Variants in SLC1A7 observed in about 807,000 individuals in gnomAD.
SLC1A7 encodes the protein solute carrier family 1 member 7.
In SLC1A7, 40 loss-of-function variants were observed where a neutral mutation model predicts 47.7. The ratio of observed to expected loss-of-function variants is 0.84; its 90% CI spans 0.65 to 1.09. SLC1A7 has a LOEUF of 1.09. Ranked by LOEUF, SLC1A7 falls within the 50% of genes least tolerant of loss-of-function variation. The probability of loss-of-function intolerance (pLI) is 0.00; values close to 1 mark genes in which losing one functional copy is unlikely to be tolerated. For missense variants in SLC1A7, 746 were observed against 769.5 expected (o/e 0.97, Z 0.36); for synonymous variants, 323 against 325.6 (o/e 0.99, Z 0.09).
At chr1:53,125,392 T>C (rs1644871746) in intron 2 of SLC1A7, among the ~76,000 whole-genome samples, 1 of 152,194 alleles carries the variant, frequency 6.6e-6, no homozygotes, top group Admixed American at 6.5e-5. Context: ...GAATGCCTCC[T>C]CCTTGAGAAC....
intron 2 of SLC1A7, among the ~76,000 whole-genome samples, chr1:53,120,423 G>C (rs1557683839): frequency 1.3e-5 from 2 of 152,280 alleles, no homozygotes; most frequent in East Asian, 3.9e-4. Context: ...CCCTCCCCCA[G>C]TTTGGGGTGA....
At chr1:53,127,915 A>T (rs1433224738) in intron 2 of SLC1A7, among the ~76,000 whole-genome samples, 2 of 152,200 alleles carry the variant, frequency 1.3e-5, no homozygotes, top group South Asian at 2.1e-4. Flanking sequence ...CCTGGATTGC[A>T]GCCTAAGACT....
chr1:53,093,799 C>A (rs1379424901), intron 5 of SLC1A7, among the ~76,000 whole-genome samples: 1 of 152,160 alleles, frequency 6.6e-6, no homozygotes, highest in Non-Finnish European at 1.5e-5. Flanking sequence ...TAAAAGTGCT[C>A]CCTGCCAAGT....
intron 2 of SLC1A7, among the ~76,000 whole-genome samples, chr1:53,129,277 G>GT (rs35966763): frequency 0.022 from 3,308 of 151,484 alleles, 496 homozygotes; most frequent in Middle Eastern, 0.08. Flanking sequence ...CTTACTTTTC[G>GT]TAATAACCTC....
intron 2 of SLC1A7, among the ~76,000 whole-genome samples, chr1:53,126,175 C>T (rs867980683): frequency 3.9e-5 from 6 of 152,290 alleles, no homozygotes; most frequent in Admixed American, 2.0e-4. Flanking sequence ...AAAACACCCA[C>T]CCCTCTGCAG....
At chr1:53,094,974 T>C (rs1644469117) in intron 5 of SLC1A7, among the ~76,000 whole-genome samples, 1 of 152,240 alleles carries the variant, frequency 6.6e-6, no homozygotes. Context: ...GGAGCCGCTG[T>C]GCTAGTGTGC....
At chr1:53,108,564 G>A in intron 3 of SLC1A7, 1 of 717,882 alleles carries the variant, frequency 1.4e-6, no homozygotes, top group Non-Finnish European at 2.6e-6. Flanking sequence ...GGTGATTCCT[G>A]GAAAACTCTT....
chr1:53,119,746 G>A (rs1217387765), intron 2 of SLC1A7, among the ~76,000 whole-genome samples: 1 of 152,150 alleles, frequency 6.6e-6, no homozygotes, highest in Non-Finnish European at 1.5e-5. Context: ...TCAGATTTGT[G>A]GTGGTGAGCT....
intron 8 of SLC1A7, chr1:53,090,248 A>G: frequency 1.8e-6 from 1 of 547,112 alleles, no homozygotes; most frequent in Non-Finnish European, 3.3e-6. Flanking sequence ...ACTGACCACC[A>G]CATGGCTCTG....
At chr1:53,099,968 C>G (rs1022561678) in intron 5 of SLC1A7, among the ~76,000 whole-genome samples, 1 of 151,672 alleles carries the variant, frequency 6.6e-6, no homozygotes, top group Non-Finnish European at 1.5e-5. Flanking sequence ...TATACTCACA[C>G]CATCTCAGTA....
intron 4 of SLC1A7, 37 bp from the exon 5 acceptor site, chr1:53,103,605 C>T (rs1644608947): frequency 7.6e-7 from 1 of 1,317,810 alleles, no homozygotes; most frequent in Non-Finnish European, 1.0e-6. Context: ...GAAGTCAGGG[C>T]CAAGGGTTGT....
intron 3 of SLC1A7, among the ~76,000 whole-genome samples, chr1:53,106,191 C>CAT (rs1644638183): frequency 6.6e-6 from 1 of 152,058 alleles, no homozygotes; most frequent in Admixed American, 6.6e-5. Context: ...CTGCCTCCCC[C>CAT]ATATAGTGGC....
intron 9 of SLC1A7, 146 bp from the exon 10 acceptor site, chr1:53,089,125 C>T (rs370854822): frequency 4.4e-5 from 30 of 681,638 alleles, no homozygotes; most frequent in East Asian, 4.1e-4. Context: ...TCCTCCCAAG[C>T]CCACCCTTTG....
intron 2 of SLC1A7, among the ~76,000 whole-genome samples, chr1:53,126,319 C>T (rs1392131245): frequency 1.3e-5 from 2 of 152,196 alleles, no homozygotes; most frequent in Non-Finnish European, 2.9e-5. Flanking sequence ...AAGGAGGAGT[C>T]TCCTGTCTCA....
At chr1:53,120,765 C>G (rs1048367913) in intron 2 of SLC1A7, among the ~76,000 whole-genome samples, 2 of 152,268 alleles carry the variant, frequency 1.3e-5, no homozygotes, top group Non-Finnish European at 2.9e-5. Flanking sequence ...CAGCACCTGG[C>G]ACAGGACGGG....
chr1:53,104,829 T>C (rs1167222350), intron 4 of SLC1A7, among the ~76,000 whole-genome samples: 1 of 152,090 alleles, frequency 6.6e-6, no homozygotes, highest in Non-Finnish European at 1.5e-5. Flanking sequence ...GCTGACAGTT[T>C]AGAAAGGGAA....
At chr1:53,124,611 T>C (rs1324439795) in intron 2 of SLC1A7, among the ~76,000 whole-genome samples, 1 of 150,986 alleles carries the variant, frequency 6.6e-6, no homozygotes, top group East Asian at 2.0e-4. Flanking sequence ...CTAGCCTCAG[T>C]GGAATGGGGC....
At chr1:53,133,586 G>A (rs573640553) in intron 2 of SLC1A7, among the ~76,000 whole-genome samples, 1 of 152,248 alleles carries the variant, frequency 6.6e-6, no homozygotes, top group African/African-American at 2.4e-5. Flanking sequence ...AAGGCTCTTA[G>A]ACACCACCTG....
At chr1:53,112,434 G>A (rs779461502) in intron 3 of SLC1A7, among the ~76,000 whole-genome samples, 1 of 152,242 alleles carries the variant, frequency 6.6e-6, no homozygotes. Context: ...TAGACTTGTG[G>A]CTGTTGTTTT....
Sources: allele counts gnomAD v4.1 joint callset (sites outside exome capture counted in the v4.1 genomes callset), GRCh38; gene constraint gnomAD v4.1.1; transcripts MANE v1.5; gene names NCBI Gene and HGNC (gene_info 2026-07-23, HGNC 2026-07-21).